The following TNFRSF10D variants were observed in gnomAD, a reference collection of about 807,000 sequenced individuals.
TNFRSF10D encodes tumor necrosis factor receptor superfamily member 10D.
TNFRSF10D carries 28 observed loss-of-function variants against 42.1 expected under a neutral mutation model. That is an observed-to-expected ratio of 0.66 (90% confidence interval 0.49 to 0.91). TNFRSF10D has a LOEUF of 0.91. Among genes scored for constraint, TNFRSF10D ranks in the 40% least tolerant of loss-of-function variants. TNFRSF10D has a pLI of 0.00. For missense variants in TNFRSF10D, 503 were observed against 486.1 expected (o/e 1.03, Z -0.33); for synonymous variants, 186 against 189.4 (o/e 0.98, Z 0.15).
At chr8:23,154,206 G>A (rs530687175) in intron 2 of TNFRSF10D, among the ~76,000 whole-genome samples, 6 of 152,310 alleles carry the variant, frequency 3.9e-5, no homozygotes, top group East Asian at 1.9e-4. Context: ...GATTACCAGC[G>A]CTGTATTTGC....
At chr8:23,139,177 T>C (rs1321917060) in intron 7 of TNFRSF10D, among the ~76,000 whole-genome samples, 1 of 151,674 alleles carries the variant, frequency 6.6e-6, no homozygotes, top group Non-Finnish European at 1.5e-5. Context: ...TACAAGGTTA[T>C]CCAACTCATA....
Position 23,138,266 on chromosome 8 carries a change from A to G in TNFRSF10D, c.955-6T>C. On this transcript the variant is annotated splice_region_variant and splice_polypyrimidine_tract_variant and intron_variant, in intron 7 of 8. Coordinates refer to ENST00000312584, the MANE Select transcript of TNFRSF10D (RefSeq NM_003840.5). ...CCTTCAGCTTCTGCCTGTTCCTGTA[A>G]CACACAGTGGGGAATGCTCTGGTCA... is the stretch of plus-strand genomic sequence containing the variant. 1.2e-6 allele frequency: 2 copies of G among 1,614,128 alleles called. No homozygotes were observed. Among genetic ancestry groups the G allele is most frequent in the Non-Finnish European group, 1.7e-6 (2 of 1,180,026 alleles).
At chr8:23,139,162 A>G (rs1343890626) in intron 7 of TNFRSF10D, among the ~76,000 whole-genome samples, 2 of 151,648 alleles carry the variant, frequency 1.3e-5, no homozygotes, top group Non-Finnish European at 2.9e-5. Context: ...ATTAGCAAAC[A>G]GAATTACAAG....
chr8:23,145,519 T>A, intron 5 of TNFRSF10D, 149 bp downstream of exon 5: 1 of 1,207,218 alleles, frequency 8.3e-7, no homozygotes, highest in East Asian at 2.5e-5. Context: ...ACACAGGACG[T>A]GGGGATGGGG....
chr8:23,147,551 G>C (rs1724944063), intron 3 of TNFRSF10D, among the ~76,000 whole-genome samples: 2 of 152,324 alleles, frequency 1.3e-5, no homozygotes, highest in South Asian at 4.1e-4. Flanking sequence ...ACTGGGCCAG[G>C]CCTCCTCTAT....
chr8:23,155,041 G>C, intron 1 of TNFRSF10D, 62 bp from the exon 2 acceptor site: 1 of 1,288,916 alleles, frequency 7.8e-7, no homozygotes, highest in East Asian at 2.6e-5. Flanking sequence ...CCCAGGCTCC[G>C]TCTCACATTC....
At chr8:23,138,103 A>G in intron 8 of TNFRSF10D, 85 bp downstream of exon 8, 1 of 1,609,924 alleles carries the variant, frequency 6.2e-7, no homozygotes, top group Non-Finnish European at 8.5e-7. Flanking sequence ...CCTCCAGAAG[A>G]GCCCTCTCAG....
rs1346895739 is a variant in TNFRSF10D at position 23,144,435 on chromosome 8, CCCT to C, written c.954+12_954+14del. On this transcript the variant is annotated intron_variant, in intron 7 of 8. Coordinates refer to ENST00000312584, the MANE Select transcript of TNFRSF10D (RefSeq NM_003840.5). ...GGCTGCACGCCAGGCAGGGCACAGT[CCCT>C]CCTCAACTCACCAGCAGACGCTGTG... 5 of 1,611,242 alleles carry C rather than the reference CCCT, an allele frequency of 3.1e-6. No homozygotes were observed. Among genetic ancestry groups the C allele is most frequent in the Non-Finnish European group, 3.4e-6 (4 of 1,178,330 alleles).
rs568609062 is a variant in TNFRSF10D, at chr8:23,135,773, A to G, written c.*2097T>C. The G allele has an allele frequency of 2.5e-6, 1 of 404,358 alleles. No individual in the cohort carries two copies. The highest frequency in any genetic ancestry group is 2.1e-5 in the African/African-American group (1 of 48,552). 25.0% of individuals were successfully genotyped at this position (404,358 alleles called of 1,614,324 possible). A position where few individuals can be genotyped will look rare whatever the true frequency, so the allele number is the denominator to read the frequency against. On this transcript the variant is annotated 3_prime_UTR_variant, in exon 9 of 9. Coordinates refer to ENST00000312584, the MANE Select transcript of TNFRSF10D (RefSeq NM_003840.5). ...GTTAAAGGAATAAGCTTAAACACTG[A>G]TAAGGCTGGTAGTCTAGATGCATCT...
chr8:23,159,567 A>G (rs1800333444), intron 1 of TNFRSF10D, among the ~76,000 whole-genome samples: 1 of 151,658 alleles, frequency 6.6e-6, no homozygotes, highest in Non-Finnish European at 1.5e-5. Flanking sequence ...CTTGCATTAA[A>G]TAAATGTGTG....
chr8:23,140,375 G>GACAC (rs71546853), intron 7 of TNFRSF10D, among the ~76,000 whole-genome samples: 194 of 145,480 alleles, frequency 1.3e-3, no homozygotes, highest in Middle Eastern at 7.1e-3. Flanking sequence ...ATTTACAACA[G>GACAC]ACACACACAC....
At chr8:23,151,298 G>A (rs1490925679) in intron 2 of TNFRSF10D, among the ~76,000 whole-genome samples, 1 of 151,574 alleles carries the variant, frequency 6.6e-6, no homozygotes, top group African/African-American at 2.4e-5. Flanking sequence ...ACTACACCTG[G>A]CAAGCCTGTC....
chr8:23,163,101 T>C (rs1413268487), intron 1 of TNFRSF10D, among the ~76,000 whole-genome samples: 13 of 136,166 alleles, frequency 9.5e-5, no homozygotes, highest in Non-Finnish European at 1.6e-4. Flanking sequence ...TTTTTTTTTT[T>C]TTTTTTTTTT....
In TNFRSF10D at chr8:23,144,554, ATC is replaced by A; in HGVS notation, c.848_849del (p.Arg283IlefsTer9). On this transcript the variant is annotated frameshift_variant, in exon 7 of 9. Coordinates refer to ENST00000312584, the MANE Select transcript of TNFRSF10D (RefSeq NM_003840.5). LOFTEE classifies it high-confidence loss of function. ...TCAGAGACCTGGGTGGGCTGCAAGT[ATC>A]TGTTACTCAGGGTCTCGTTGCGGGC... Reference protein sequence around the residue: ...DNARNETLSNRYLQPTQVSEQ... With the variant: ...DNARNETLSNXYLQPTQVSEQ... 6.2e-7 allele frequency: 1 copy of A among 1,614,156 alleles called. No homozygotes were observed. The highest frequency in any genetic ancestry group is 8.5e-7 in the Non-Finnish European group (1 of 1,180,002).
chr8:23,145,026 G>A (rs748838357), intron 6 of TNFRSF10D, 32 bp downstream of exon 6: 22 of 1,613,940 alleles, frequency 1.4e-5, no homozygotes, highest in South Asian at 4.4e-5. Flanking sequence ...CTGAACCCAC[G>A]AAGCCCCCAG....
chr8:23,138,261 C>T lies in TNFRSF10D; in HGVS notation c.955-1G>A. On this transcript the variant is annotated splice_acceptor_variant, in intron 7 of 8. Transcript: ENST00000312584. LOFTEE classifies it high-confidence loss of function. ...GACACCCTTCAGCTTCTGCCTGTTCCTGTAACACACAGTGGGGAATGCTCT... is the reference window on the plus strand; with the variant it reads ...GACACCCTTCAGCTTCTGCCTGTTCTTGTAACACACAGTGGGGAATGCTCT... 1.9e-6 allele frequency: 3 copies of T among 1,614,232 alleles called. No individual in the cohort carries two copies. The highest frequency in any genetic ancestry group is 2.5e-6 in the Non-Finnish European group (3 of 1,180,038).
intron 3 of TNFRSF10D, among the ~76,000 whole-genome samples, chr8:23,147,493 C>G (rs1256717001): frequency 1.3e-5 from 2 of 152,202 alleles, no homozygotes; most frequent in Non-Finnish European, 2.9e-5. Context: ...GAGGAGAGAG[C>G]CTGGCCACGG....
rs372870065 is a variant in TNFRSF10D, at chr8:23,154,579, G to T, written c.256+295C>A. On this transcript the variant is annotated intron_variant, in intron 2 of 8. Coordinates refer to ENST00000312584, the MANE Select transcript of TNFRSF10D (RefSeq NM_003840.5). The stretch of plus-strand genomic sequence containing the variant: ...TTCATTATTTTTTCCACATATTTTT[G>T]ATCTGTGTTGGTTGCAACCACGGAT... 4.8e-4 allele frequency among the ~76,000 whole-genome samples: 73 copies of T among 151,942 alleles called. 1 individual carries two copies. In the East Asian group the frequency reaches 0.012, roughly 26 times the overall value.
chr8:23,146,640 T>G (rs370575417), intron 4 of TNFRSF10D, among the ~76,000 whole-genome samples: 1 of 152,256 alleles, frequency 6.6e-6, no homozygotes, highest in East Asian at 1.9e-4. Context: ...TTCTTCTGAT[T>G]TCAAAAGGAA....
Sources: gnomAD v4.1 joint callset for allele counts (sites outside exome capture counted in the v4.1 genomes callset) on GRCh38, gnomAD v4.1.1 for gene constraint, MANE v1.5 for transcripts, NCBI Gene and HGNC (gene_info 2026-07-23, HGNC 2026-07-21) for gene names.